Variants in MAK observed in about 807,000 individuals in gnomAD.
MAK encodes the protein male germ cell associated kinase.
In MAK, 65 loss-of-function variants were observed where a neutral mutation model predicts 82.6. The ratio of observed to expected loss-of-function variants is 0.79; its 90% CI spans 0.64 to 0.97. The LOEUF is 0.97. MAK is among the 50% of genes least tolerant of loss of function. The probability of loss-of-function intolerance (pLI) is 0.00; values close to 1 mark genes in which losing one functional copy is unlikely to be tolerated. For missense variants in MAK, 703 were observed against 780.2 expected (o/e 0.90, Z 1.18); for synonymous variants, 250 against 274.2 (o/e 0.91, Z 0.87).
intron 10 of MAK, among the ~76,000 whole-genome samples, chr6:10,790,666 G>T (rs544886353): frequency 6.6e-6 from 1 of 152,290 alleles, no homozygotes; most frequent in African/African-American, 2.4e-5. Context: ...TTCCTGCAAC[G>T]AGGCATGTCA....
chr6:10,804,930 A>G (rs1776291542), intron 6 of MAK, among the ~76,000 whole-genome samples: 1 of 152,108 alleles, frequency 6.6e-6, no homozygotes, highest in African/African-American at 2.4e-5. Context: ...TGGCTGGGCC[A>G]ATGTGTGGGG....
chr6:10,834,408 G>T (rs78501510), intron 1 of MAK, among the ~76,000 whole-genome samples: 2 of 152,144 alleles, frequency 1.3e-5, no homozygotes, highest in Non-Finnish European at 2.9e-5. Flanking sequence ...GATGTTGTTG[G>T]TTTTTCAGGG....
intron 14 of MAK, among the ~76,000 whole-genome samples, chr6:10,766,125 T>G (rs1188754610): frequency 6.6e-6 from 1 of 152,230 alleles, no homozygotes; most frequent in Non-Finnish European, 1.5e-5. Flanking sequence ...GGGGTTTAAA[T>G]ATCTCTTCAC....
At position 10,793,442 on chromosome 6, in the gene MAK, C is replaced by A. The variant is rs766283609; in HGVS notation, c.1144-1595G>T. ...AAACAAATACACAGCTGGCAACAAG[C>A]TGGGCAGAATGGGTAAACTGAGAAG... is the stretch of plus-strand genomic sequence containing the variant. On this transcript the variant is annotated intron_variant, in intron 9 of 14. Coordinates refer to ENST00000354489, the MANE Select transcript of MAK (RefSeq NM_001242957.3). This position sits in a 1 kb window ranked among gnomAD's most constrained non-coding sequence, Gnocchi z 4.6. 9.9e-5 allele frequency among the ~76,000 whole-genome samples: 15 copies of A among 152,126 alleles called. No homozygotes were observed. The highest frequency in any genetic ancestry group is 1.0e-4 in the Non-Finnish European group (7 of 68,028).
chr6:10,775,489 G>GT (rs773113927), intron 11 of MAK, 30 bp from the exon 12 acceptor site: 9 of 1,607,612 alleles, frequency 5.6e-6, no homozygotes, highest in Non-Finnish European at 7.7e-6. Context: ...CACTTCAAAG[G>GT]TTAGAGCAGA....
chr6:10,769,379 G>A (rs1772775925), intron 14 of MAK, among the ~76,000 whole-genome samples: 1 of 152,158 alleles, frequency 6.6e-6, no homozygotes, highest in Admixed American at 6.6e-5. Context: ...CTTAAGTACA[G>A]AATCATCACC....
chr6:10,829,636 T>C (rs749444628), intron 2 of MAK, among the ~76,000 whole-genome samples: 1 of 152,172 alleles, frequency 6.6e-6, no homozygotes, highest in Non-Finnish European at 1.5e-5. Flanking sequence ...ACCTGTAGTT[T>C]TGGTCCAAAT....
rs114360728 is a variant in MAK at position 10,837,628 on chromosome 6, G to C, written c.-230+875C>G. Among the ~76,000 whole-genome samples the C allele has an allele frequency of 7.8e-3, 1,188 of 152,304 alleles. 19 individuals are homozygous for C. The highest frequency in any genetic ancestry group is 0.027 in the African/African-American group (1,131 of 41,558). Reference sequence around the variant, plus strand: ...TTTGGCTTCCCTCTTTGAGAATTCCGTTATCATTAGAACAAATGTCTGTTT... The same window carrying C: ...TTTGGCTTCCCTCTTTGAGAATTCCCTTATCATTAGAACAAATGTCTGTTT... On this transcript the variant is annotated intron_variant, in intron 1 of 14. Transcript: ENST00000354489.
intron 11 of MAK, chr6:10,779,363 TAC>T (rs1773754782): frequency 1.0e-6 from 1 of 985,196 alleles, no homozygotes; most frequent in South Asian, 4.7e-5. Flanking sequence ...CATCGTAAGT[TAC>T]AGAAAACAGA....
In MAK at chr6:10,800,005, G is replaced by T. The variant is rs1000550852; in HGVS notation, c.831+1887C>A. On this transcript the variant is annotated intron_variant, in intron 8 of 14. Coordinates refer to ENST00000354489, the MANE Select transcript of MAK (RefSeq NM_001242957.3). This position sits in a 1 kb window ranked among gnomAD's most constrained non-coding sequence, Gnocchi z 4.2. ...GGAGGGTGTAGTGAACCGAGATCAC[G>T]CTACTGCACTCCAGCCTGGGCGATG... Among the ~76,000 whole-genome samples, 1 of 152,058 alleles carries T rather than the reference G, an allele frequency of 6.6e-6. No homozygotes were observed. The highest frequency in any genetic ancestry group is 1.5e-5 in the Non-Finnish European group (1 of 68,026).
intron 10 of MAK, among the ~76,000 whole-genome samples, chr6:10,788,716 A>G (rs79455974): frequency 0.058 from 8,800 of 152,246 alleles, 362 homozygotes; most frequent in African/African-American, 0.12. Context: ...AGCCTGGGCA[A>G]TGAAGCGACA....
chr6:10,815,733 A>G (rs1777420018), intron 4 of MAK, among the ~76,000 whole-genome samples: 1 of 151,618 alleles, frequency 6.6e-6, no homozygotes, highest in South Asian at 2.1e-4. Context: ...AAGTGCTGAG[A>G]TTACAAGCAT....
intron 6 of MAK, among the ~76,000 whole-genome samples, chr6:10,808,231 A>G (rs1776649613): frequency 6.6e-6 from 1 of 152,138 alleles, no homozygotes; most frequent in East Asian, 1.9e-4. Context: ...ATCATATGGT[A>G]TGTGCTCTTT....
chr6:10,772,182 A>C (rs1773074295), intron 13 of MAK, among the ~76,000 whole-genome samples: 1 of 152,164 alleles, frequency 6.6e-6, no homozygotes. Flanking sequence ...ACATGAACAG[A>C]AAATTAAGTC....
intron 5 of MAK, among the ~76,000 whole-genome samples, chr6:10,811,790 C>A (rs1041665283): frequency 5.9e-5 from 9 of 151,914 alleles, no homozygotes; most frequent in African/African-American, 2.2e-4. Flanking sequence ...TCTAAACATA[C>A]CCTTTTTATA....
At chr6:10,835,739 G>T (rs1370694429) in intron 1 of MAK, among the ~76,000 whole-genome samples, 1 of 152,216 alleles carries the variant, frequency 6.6e-6, no homozygotes, top group Non-Finnish European at 1.5e-5. Context: ...GGAAGAGGGA[G>T]CTGCCTCTGG....
Position 10,770,138 on chromosome 6 carries a change from A to C in MAK, c.1765T>G (p.Leu589Val), listed in dbSNP as rs2127511181. The stretch of plus-strand genomic sequence containing the variant: ...GAAGCCGTTGCATTGAGAGGTGCTA[A>C]GTGGATCCTCTGGCCAGCTGACTGC... The part of the protein sequence containing the change: ...EVQSAGQRIH[L>V]APLNATASEY... Residue 589 changes from leucine to valine, a missense_variant, in exon 14 of 15, where the codon TTA becomes GTA. Coordinates refer to ENST00000354489, the MANE Select transcript of MAK (RefSeq NM_001242957.3). The C allele has an allele frequency of 6.2e-7, 1 of 1,614,166 alleles. No individual in the cohort carries two copies. The highest frequency in any genetic ancestry group is 8.5e-7 in the Non-Finnish European group (1 of 1,180,020).
intron 9 of MAK, among the ~76,000 whole-genome samples, chr6:10,794,089 TATAAG>T (rs1382804769): frequency 2.0e-5 from 3 of 152,194 alleles, no homozygotes; most frequent in Non-Finnish European, 2.9e-5. Context: ...GGGCAGATAA[TATAAG>T]GGCTATTTTC....
Position 10,830,797 on chromosome 6 carries a change from TC to T in MAK, c.-150del, listed in dbSNP as rs908151877. The T allele has an allele frequency of 8.9e-5, 62 of 695,732 alleles. No individual in the cohort carries two copies. In the Middle Eastern group the frequency reaches 1.7e-3, roughly 19 times the overall value. 43.1% of individuals were successfully genotyped at this position (695,732 alleles called of 1,614,324 possible). A position where few individuals can be genotyped will look rare whatever the true frequency, so the allele number is the denominator to read the frequency against. On this transcript the variant is annotated 5_prime_UTR_variant, in exon 2 of 15. An upstream open reading frame in the 5' UTR gains an earlier in-frame stop. Coordinates refer to ENST00000354489, the MANE Select transcript of MAK (RefSeq NM_001242957.3). Reference sequence around the variant, plus strand: ...GTTTGTCATCATTAAATATAGTCTCTCCCCCAAGATTACAGAGGTTCATGAG... The same window carrying T: ...GTTTGTCATCATTAAATATAGTCTCTCCCCAAGATTACAGAGGTTCATGAG...
Sources: gnomAD v4.1 joint callset for allele counts (sites outside exome capture counted in the v4.1 genomes callset) on GRCh38, gnomAD v4.1.1 for gene constraint, Gnocchi (gnomAD v3.1) non-coding constraint, MANE v1.5 for transcripts, NCBI Gene and HGNC (gene_info 2026-07-23, HGNC 2026-07-21) for gene names.